Variants in DRC12 observed in about 807,000 individuals in gnomAD.
DRC12 encodes the protein dynein regulatory complex protein 12.
the DRC12 span, chr11:119,195,462 CCT>C: frequency 1.3e-6 from 2 of 1,551,446 alleles, no homozygotes; most frequent in East Asian, 4.9e-5. Context: ...AGATTTCTTC[CCT>C]TTTTCTTTGT....
chr11:119,193,070 G>C, the DRC12 span: 1 of 1,237,548 alleles, frequency 8.1e-7, no homozygotes, highest in Non-Finnish European at 1.2e-6. Context: ...TTCTGGAGCA[G>C]AGACTTTGAA....
the DRC12 span, among the ~76,000 whole-genome samples, chr11:119,194,721 A>C: frequency 4.7e-5 from 7 of 149,872 alleles, no homozygotes; most frequent in East Asian, 2.0e-4. Flanking sequence ...ACCAAAAAAA[A>C]CAAAAAACAA....
At chr11:119,194,782 T>C in the DRC12 span, 1 of 564,994 alleles carries the variant, frequency 1.8e-6, no homozygotes, top group South Asian at 2.1e-5. Flanking sequence ...CCACCCTCTC[T>C]CATCATCTTT....
At chr11:119,191,731 G>A in the DRC12 span, among the ~76,000 whole-genome samples, 1 of 151,676 alleles carries the variant, frequency 6.6e-6, no homozygotes, top group Non-Finnish European at 1.5e-5. Flanking sequence ...TTGCTTGAAC[G>A]TAGGAGGTGG....
chr11:119,193,702 G>A, the DRC12 span: 6 of 1,539,438 alleles, frequency 3.9e-6, no homozygotes, highest in African/African-American at 6.9e-5. Flanking sequence ...TGCATCAACT[G>A]ACCCTGTTGG....
chr11:119,193,220 G>A, the DRC12 span: 1 of 1,614,110 alleles, frequency 6.2e-7, no homozygotes, highest in Non-Finnish European at 8.5e-7. Context: ...TCCTCCTGCA[G>A]GGCATGGCAC....
chr11:119,192,801 C>G, the DRC12 span, among the ~76,000 whole-genome samples: 1 of 152,162 alleles, frequency 6.6e-6, no homozygotes, highest in Non-Finnish European at 1.5e-5. Context: ...TGTGCGCCAC[C>G]ACATCCGGCT....
the DRC12 span, chr11:119,190,480 G>C: frequency 6.2e-7 from 1 of 1,613,128 alleles, no homozygotes; most frequent in African/African-American, 1.3e-5. This position sits in a 1 kb window ranked among gnomAD's most constrained non-coding sequence, Gnocchi z 4.2. Flanking sequence ...TCAGACCCCA[G>C]AAAGAGAGAG....
chr11:119,192,886 T>C, the DRC12 span, among the ~76,000 whole-genome samples: 5 of 152,348 alleles, frequency 3.3e-5, no homozygotes, highest in South Asian at 1.0e-3. Context: ...CCTCAGGTGA[T>C]CCGCCCGCCT....
chr11:119,195,516 A>G, the DRC12 span: 2 of 1,529,538 alleles, frequency 1.3e-6, no homozygotes, highest in South Asian at 2.4e-5. Flanking sequence ...GAAGGAGGGG[A>G]CCTTATGTTT....
At chr11:119,195,122 A>C in the DRC12 span, 5 of 752,440 alleles carry the variant, frequency 6.6e-6, no homozygotes, top group Non-Finnish European at 1.1e-5. Context: ...AGGTATCCAC[A>C]GTGGCAGAGT....
At chr11:119,193,250 T>A in the DRC12 span, 5 of 1,612,502 alleles carry the variant, frequency 3.1e-6, no homozygotes, top group Non-Finnish European at 4.2e-6. Flanking sequence ...ATCTCTGGGG[T>A]GGGGGCAGTG....
chr11:119,192,095 C>A, the DRC12 span, among the ~76,000 whole-genome samples: 1 of 151,900 alleles, frequency 6.6e-6, no homozygotes, highest in East Asian at 1.9e-4. Context: ...CCTGACTCAG[C>A]CTCCCAAGTA....
At chr11:119,194,072 A>T in the DRC12 span, among the ~76,000 whole-genome samples, 1 of 152,136 alleles carries the variant, frequency 6.6e-6, no homozygotes, top group East Asian at 1.9e-4. Flanking sequence ...ATTATTAAGA[A>T]GTAAAAACTC....
At chr11:119,194,243 G>A in the DRC12 span, among the ~76,000 whole-genome samples, 30 of 151,956 alleles carry the variant, frequency 2.0e-4, no homozygotes, top group Non-Finnish European at 3.5e-4. Context: ...GGCCAGGCGC[G>A]GTGGCTCACG....
At chr11:119,195,303 G>A in the DRC12 span, 1 of 869,650 alleles carries the variant, frequency 1.1e-6, no homozygotes, top group African/African-American at 1.7e-5. Context: ...ACATGAAAGA[G>A]GTAGGTCAAG....
At chr11:119,193,711 G>T in the DRC12 span, 12 of 1,543,428 alleles carry the variant, frequency 7.8e-6, no homozygotes, top group East Asian at 7.4e-5. Context: ...TGACCCTGTT[G>T]GTTGTCCTCC....
At chr11:119,193,403 T>C in the DRC12 span, 4 of 837,752 alleles carry the variant, frequency 4.8e-6, no homozygotes, top group Admixed American at 2.5e-5. Flanking sequence ...CTGCAGACCA[T>C]GAAAACCTGA....
the DRC12 span, chr11:119,193,814 C>A: frequency 6.4e-7 from 1 of 1,551,712 alleles, no homozygotes; most frequent in Non-Finnish European, 8.7e-7. Flanking sequence ...AGCTCAGCCT[C>A]CACCCCTTGC....
Sources: gnomAD v4.1 joint callset for allele counts (sites outside exome capture counted in the v4.1 genomes callset) on GRCh38, gnomAD v4.1.1 for gene constraint, Gnocchi (gnomAD v3.1) non-coding constraint, MANE v1.5 for transcripts, NCBI Gene and HGNC (gene_info 2026-07-23, HGNC 2026-07-21) for gene names.